The following PTGR2 variants were observed in gnomAD, a reference collection of about 807,000 sequenced individuals.
PTGR2 encodes the protein 15-oxoprostaglandin 13-reductase.
PTGR2 carries 32 observed loss-of-function variants against 43.4 expected under a neutral mutation model. The observed-to-expected ratio is 0.74, with a 90% CI of 0.56 to 0.99. PTGR2 has a LOEUF of 0.99. Ranked by LOEUF, PTGR2 falls within the 50% of genes least tolerant of loss-of-function variation. The pLI is 0.00. For synonymous variants in PTGR2, 106 were observed against 139.2 expected (o/e 0.76, Z 1.68); for missense variants, 373 against 420.0 (o/e 0.89, Z 0.98).
intron 7 of PTGR2, among the ~76,000 whole-genome samples, chr14:73,880,741 C>T (rs1207161921): frequency 2.0e-5 from 3 of 152,080 alleles, no homozygotes; most frequent in Admixed American, 1.3e-4. Context: ...GGATGCTACC[C>T]ACAAAGGAAA....
At chr14:73,866,817 G>T (rs949472936) in intron 3 of PTGR2, among the ~76,000 whole-genome samples, 2 of 151,846 alleles carry the variant, frequency 1.3e-5, no homozygotes, top group Non-Finnish European at 2.9e-5. Context: ...TGCTGGGTGC[G>T]GTGTCTCACA....
intron 5 of PTGR2, chr14:73,878,431 C>T (rs536416420): frequency 2.1e-4 from 32 of 152,450 alleles, no homozygotes; most frequent in Non-Finnish European, 4.4e-4. Context: ...ATTTAAACTA[C>T]CTATGGTCCC....
At chr14:73,858,759 A>G in intron 1 of PTGR2, 57 bp from the exon 2 acceptor site, 1 of 809,498 alleles carries the variant, frequency 1.2e-6, no homozygotes, top group South Asian at 2.3e-5. Context: ...CTTCTTTTTT[A>G]TTTTTAAATT....
intron 2 of PTGR2, among the ~76,000 whole-genome samples, chr14:73,859,209 G>A: frequency 6.6e-6 from 1 of 152,192 alleles, no homozygotes; most frequent in South Asian, 2.1e-4. Context: ...TGTTTCTTTA[G>A]AGTATGTTAT....
intron 3 of PTGR2, among the ~76,000 whole-genome samples, chr14:73,862,777 AGCTCACT>A: frequency 6.6e-6 from 1 of 152,224 alleles, no homozygotes; most frequent in South Asian, 2.1e-4. Context: ...GTGTGAATAC[AGCTCACT>A]GCAGCCTCGA....
intron 1 of PTGR2, among the ~76,000 whole-genome samples, chr14:73,852,437 G>C (rs1163894084): frequency 6.6e-6 from 1 of 152,074 alleles, no homozygotes; most frequent in African/African-American, 2.4e-5. Context: ...ATTTTTGGTA[G>C]AGACGAGATT....
At chr14:73,858,597 T>G (rs1223382798) in intron 1 of PTGR2, 1 of 305,774 alleles carries the variant, frequency 3.3e-6, no homozygotes, top group African/African-American at 2.1e-5. Flanking sequence ...CCACTTAATC[T>G]TCAATGAACT....
chr14:73,859,784 TAA>T (rs5809632), intron 2 of PTGR2, among the ~76,000 whole-genome samples: 28 of 143,852 alleles, frequency 1.9e-4, no homozygotes, highest in Non-Finnish European at 2.0e-4. Context: ...ACCTTGTCTC[TAA>T]AAAAAAAAAA....
intron 3 of PTGR2, among the ~76,000 whole-genome samples, chr14:73,864,784 G>C (rs1470956860): frequency 6.6e-6 from 1 of 152,092 alleles, no homozygotes; most frequent in East Asian, 1.9e-4. Context: ...AAGCACAAAA[G>C]TTTTTAATTT....
At chr14:73,866,918 G>A (rs370574238) in intron 3 of PTGR2, among the ~76,000 whole-genome samples, 6 of 151,796 alleles carry the variant, frequency 4.0e-5, no homozygotes, top group East Asian at 3.9e-4. Context: ...GTGAAACCCC[G>A]TCTCTACTAA....
At chr14:73,874,000 A>T in intron 3 of PTGR2, 23 bp from the exon 4 acceptor site, 2 of 1,545,578 alleles carry the variant, frequency 1.3e-6, no homozygotes, top group Non-Finnish European at 1.7e-6. Context: ...GGATAAAATT[A>T]TCTTAATGTT....
chr14:73,868,363 A>G (rs950809896), intron 3 of PTGR2, among the ~76,000 whole-genome samples: 31 of 151,780 alleles, frequency 2.0e-4, no homozygotes, highest in Admixed American at 1.8e-3. Context: ...TTACCCTCAC[A>G]CTGTTGCCTC....
intron 2 of PTGR2, among the ~76,000 whole-genome samples, chr14:73,859,865 G>GTTT (rs35206130): frequency 1.4e-5 from 2 of 143,258 alleles, no homozygotes; most frequent in Non-Finnish European, 1.5e-5. Flanking sequence ...ACTTGTGCCT[G>GTTT]TTTTTTTTTT....
chr14:73,862,583 C>T (rs966461543), intron 3 of PTGR2, among the ~76,000 whole-genome samples: 1 of 152,044 alleles, frequency 6.6e-6, no homozygotes, highest in African/African-American at 2.4e-5. Context: ...TACAAAGGAT[C>T]GCTTATTGAT....
chr14:73,871,035 A>C (rs1303676301), intron 3 of PTGR2, among the ~76,000 whole-genome samples: 1 of 152,156 alleles, frequency 6.6e-6, no homozygotes, highest in African/African-American at 2.4e-5. Context: ...TAGCCTCAGG[A>C]TGGGGGCTGG....
At chr14:73,883,188 C>CTTTTTTTTTTTTTTTTTTTTTTTT (rs58234739) in intron 9 of PTGR2, among the ~76,000 whole-genome samples, 3 of 58,120 alleles carry the variant, frequency 5.2e-5, no homozygotes, top group Non-Finnish European at 8.3e-5. Context: ...CCTCACCTCC[C>CTTTTTTTTTTTTTTTTTTTTTTTT]TTTTTTTTTT....
At chr14:73,855,104 C>T (rs1167428118) in intron 1 of PTGR2, among the ~76,000 whole-genome samples, 2 of 152,108 alleles carry the variant, frequency 1.3e-5, no homozygotes, top group Non-Finnish European at 2.9e-5. Flanking sequence ...GTATGTGGAC[C>T]TTGAATCCTG....
intron 5 of PTGR2, 132 bp from the exon 6 acceptor site, chr14:73,878,964 A>G: frequency 1.4e-6 from 1 of 699,348 alleles, no homozygotes; most frequent in Non-Finnish European, 2.3e-6. Flanking sequence ...ATTACTTTTC[A>G]TTAAAAGCAG....
intron 6 of PTGR2, 123 bp from the exon 7 acceptor site, chr14:73,879,932 T>C (rs1183435404): frequency 3.3e-6 from 3 of 920,534 alleles, no homozygotes; most frequent in African/African-American, 1.7e-5. Context: ...AACAGGTAAA[T>C]TAAAAAAAAA....
Sources: allele counts gnomAD v4.1 joint callset (sites outside exome capture counted in the v4.1 genomes callset), GRCh38; gene constraint gnomAD v4.1.1; transcripts MANE v1.5; gene names NCBI Gene and HGNC (gene_info 2026-07-23, HGNC 2026-07-21).